ABCB1: variants seen among roughly 807,000 people sequenced by gnomAD.
The protein encoded by ABCB1 is ATP-dependent translocase ABCB1.
In ABCB1, 69 loss-of-function variants were observed where a neutral mutation model predicts 142.0. The ratio of observed to expected loss-of-function variants is 0.49; its 90% CI spans 0.40 to 0.59. The LOEUF (loss-of-function observed/expected upper bound fraction) is 0.59, where lower values mean the gene tolerates loss of function less well. Among genes scored for constraint, ABCB1 ranks in the 20% least tolerant of loss-of-function variants. The probability of loss-of-function intolerance (pLI) is 0.00; values close to 1 mark genes in which losing one functional copy is unlikely to be tolerated. For missense variants in ABCB1, 1,326 were observed against 1,554.7 expected (o/e 0.85, Z 2.47); for synonymous variants, 532 against 539.2 (o/e 0.99, Z 0.18).
At chr7:87,528,067 A>C (rs1017668071) in intron 21 of ABCB1, among the ~76,000 whole-genome samples, 1 of 152,116 alleles carries the variant, frequency 6.6e-6, no homozygotes, top group Non-Finnish European at 1.5e-5. Context: ...AAATCATCAG[A>C]TCTCATGAGA....
rs1820551587 is a variant in ABCB1 at position 87,626,429 on chromosome 7, G to GTATGTGTCATA, written c.-330-25362_-330-25352dup. ...TATGTGTCATATATATGTGTCATATGTATGTGTCATATATGTGTCATATAT... is the reference window on the plus strand; with the variant it reads ...TATGTGTCATATATATGTGTCATATGTATGTGTCATATATGTGTCATATATGTGTCATATAT... On this transcript the variant is annotated intron_variant, in intron 1 of 28. Transcript: ENST00000265724. 1.4e-4 allele frequency among the ~76,000 whole-genome samples: 2 copies of GTATGTGTCATA among 14,438 alleles called. 1 individual carries two copies. The highest frequency in any genetic ancestry group is 2.1e-3 in the African/African-American group (2 of 964). 9.5% of individuals were successfully genotyped at this position (14,438 alleles called of 152,430 possible).
chr7:87,634,715 T>G (rs1423507678), intron 1 of ABCB1, among the ~76,000 whole-genome samples: 2 of 152,204 alleles, frequency 1.3e-5, no homozygotes, highest in Non-Finnish European at 2.9e-5. Context: ...GTATGCCTCA[T>G]AAGACTGTTC....
Position 87,566,138 on chromosome 7 carries a change from A to G in ABCB1, c.634T>C (p.Trp212Arg). 1 of 1,614,182 alleles carries G rather than the reference A, an allele frequency of 6.2e-7. No homozygotes were observed. Among genetic ancestry groups the G allele is most frequent in the Non-Finnish European group, 8.5e-7 (1 of 1,180,012 alleles). ...TGFIVGFTRG[W>R]KLTLVILAIS... The stretch of plus-strand genomic sequence containing the variant: ...GCCAAAATCACAAGGGTTAGCTTCC[A>G]ACCACGTGTAAATCCTACTATAAAC... The change falls in exon 7 of 28, where the codon TGG (tryptophan) becomes CGG (arginine). Residue 212 changes from tryptophan (W) to arginine (R), a missense_variant. Transcript: ENST00000622132.
At chr7:87,547,850 C>CAA (rs1210127693) in intron 14 of ABCB1, among the ~76,000 whole-genome samples, 6,182 of 41,406 alleles carry the variant, frequency 0.15, 615 homozygotes, top group African/African-American at 0.18. Flanking sequence ...GACTCCATCT[C>CAA]AAAAAAAAAA....
intron 21 of ABCB1, among the ~76,000 whole-genome samples, chr7:87,528,434 AG>A (rs1815892893): frequency 6.6e-6 from 1 of 152,164 alleles, no homozygotes. Flanking sequence ...TGATATTTCT[AG>A]GCTACATGGC....
chr7:87,685,552 A>G (rs1201595969), intron 1 of ABCB1, among the ~76,000 whole-genome samples: 4 of 152,208 alleles, frequency 2.6e-5, no homozygotes, highest in African/African-American at 7.2e-5. Context: ...AATGTCAGAT[A>G]CATTATGGCT....
chr7:87,653,942 G>A (rs1207241566), intron 1 of ABCB1, among the ~76,000 whole-genome samples: 2 of 151,888 alleles, frequency 1.3e-5, no homozygotes, highest in African/African-American at 4.8e-5. Context: ...TTGAAATTGA[G>A]GCTGAGTAAA....
intron 1 of ABCB1, among the ~76,000 whole-genome samples, chr7:87,654,649 C>A (rs748292707): frequency 1.1e-4 from 17 of 152,026 alleles, no homozygotes; most frequent in Non-Finnish European, 1.9e-4. Flanking sequence ...GGAAAAGGCT[C>A]CATGACATTG....
intron 4 of ABCB1, among the ~76,000 whole-genome samples, chr7:87,579,219 T>C (rs937178192): frequency 2.0e-5 from 3 of 152,208 alleles, no homozygotes; most frequent in Admixed American, 6.5e-5. Flanking sequence ...TTTTTTTTCT[T>C]TCTCTTGTCT....
At chr7:87,706,275 G>A (rs2130723338) in intron 1 of ABCB1, among the ~76,000 whole-genome samples, 1 of 152,226 alleles carries the variant, frequency 6.6e-6, no homozygotes, top group African/African-American at 2.4e-5. Flanking sequence ...CAGTGGGGGA[G>A]CTACTTGAGA....
intron 6 of ABCB1, among the ~76,000 whole-genome samples, 191 bp downstream of exon 6, chr7:87,566,594 G>A (rs1236474430): frequency 6.6e-6 from 1 of 152,040 alleles, no homozygotes; most frequent in Non-Finnish European, 1.5e-5. Flanking sequence ...AGTCATGCAG[G>A]TCCCCCCATA....
intron 20 of ABCB1, among the ~76,000 whole-genome samples, chr7:87,535,640 G>C (rs926775991): frequency 3.3e-5 from 5 of 152,060 alleles, no homozygotes; most frequent in African/African-American, 1.2e-4. Context: ...GGACTCCTAA[G>C]GTTTATATTT....
intron 1 of ABCB1, among the ~76,000 whole-genome samples, chr7:87,671,990 G>C (rs951392491): frequency 3.9e-5 from 6 of 152,176 alleles, no homozygotes; most frequent in African/African-American, 1.4e-4. Flanking sequence ...CACTTAAGCA[G>C]TTTGGCCGCA....
intron 5 of ABCB1, 110 bp downstream of exon 5, chr7:87,570,062 G>C: frequency 1.1e-6 from 1 of 949,990 alleles, no homozygotes; most frequent in Non-Finnish European, 1.7e-6. Context: ...AAACTATCAA[G>C]AGTATTGTTC....
intron 1 of ABCB1, among the ~76,000 whole-genome samples, chr7:87,663,220 A>G (rs1171300013): frequency 6.6e-6 from 1 of 152,060 alleles, no homozygotes; most frequent in African/African-American, 2.4e-5. Context: ...TTTTAGTTGG[A>G]TGCCCTTTAT....
At chr7:87,544,735 T>C (rs1816694406) in intron 16 of ABCB1, 88 bp downstream of exon 16, 1 of 1,327,090 alleles carries the variant, frequency 7.5e-7, no homozygotes, top group Non-Finnish European at 1.1e-6. Flanking sequence ...TAACCTCTCT[T>C]GTTCCCACTC....
chr7:87,521,520 T>C (rs1815507737), intron 21 of ABCB1: 1 of 755,720 alleles, frequency 1.3e-6, no homozygotes, highest in African/African-American at 1.7e-5. Context: ...TCATTGGAGG[T>C]TGAGCTCTAC....
Position 87,504,512 on chromosome 7 carries a change from A to T in ABCB1, c.3637-63T>A, listed in dbSNP as rs779827766. ...TCTTTTCCCTAATTCCTCTTCCATA[A>T]AAAGCTCCACAGTAGGACGGGCATG... On this transcript the variant is annotated intron_variant, in intron 27 of 27. Transcript: ENST00000622132. 371 of 1,594,646 alleles carry T rather than the reference A, an allele frequency of 2.3e-4. 1 individual carries two copies. Among genetic ancestry groups the T allele is most frequent in the Non-Finnish European group, 1.5e-4 (173 of 1,169,324 alleles).
chr7:87,542,419 T>C (rs1207288207), intron 17 of ABCB1, among the ~76,000 whole-genome samples: 1 of 152,174 alleles, frequency 6.6e-6, no homozygotes, highest in African/African-American at 2.4e-5. Context: ...GTAATTAATT[T>C]GCTCAAGTTA....
Sources: allele counts gnomAD v4.1 joint callset (sites outside exome capture counted in the v4.1 genomes callset), GRCh38; gene constraint gnomAD v4.1.1; transcripts MANE v1.5; gene names NCBI Gene and HGNC (gene_info 2026-07-23, HGNC 2026-07-21).